Variants in CUX2 observed in about 807,000 individuals in gnomAD.
The protein encoded by CUX2 is cut like homeobox 2.
Under a neutral mutation model 144.8 loss-of-function variants are expected in CUX2, and 40 were observed. That is an observed-to-expected ratio of 0.28 (90% CI 0.21 to 0.36). The LOEUF is 0.36. Among genes scored for constraint, CUX2 ranks in the 10% least tolerant of loss-of-function variants. The pLI is 1.00. For synonymous variants in CUX2, 827 were observed against 875.6 expected, an observed-to-expected ratio of 0.94 and a Z score of 0.98; for missense variants, 1,615 against 1,994.0, an observed-to-expected ratio of 0.81 and a Z score of 3.62.
Position 111,287,488 on chromosome 12 carries a change from A to G in CUX2, c.302-3930A>G, listed in dbSNP as rs1158850033. Among the ~76,000 whole-genome samples, 1 of 152,268 alleles carries G rather than the reference A, an allele frequency of 6.6e-6. No individual in the cohort carries two copies. Among genetic ancestry groups the G allele is most frequent in the African/African-American group, 2.4e-5 (1 of 41,474 alleles). On this transcript the variant is annotated intron_variant, in intron 4 of 21. Coordinates refer to ENST00000261726, the MANE Select transcript of CUX2 (RefSeq NM_015267.4). This position sits in a 1 kb window ranked among gnomAD's most constrained non-coding sequence, Gnocchi z 4.2. Reference sequence around the variant, plus strand: ...CTTATTAAAAAATCCAGACTTGTAAATTAATTTGTTCGTGTTGTACAAAGG... The same window carrying G: ...CTTATTAAAAAATCCAGACTTGTAAGTTAATTTGTTCGTGTTGTACAAAGG...
At chr12:111,273,203 G>T (rs1340169825) in intron 4 of CUX2, among the ~76,000 whole-genome samples, 1 of 152,182 alleles carries the variant, frequency 6.6e-6, no homozygotes, top group East Asian at 1.9e-4. Flanking sequence ...TTTGGACCTG[G>T]TTTTAAAGGT....
At chr12:111,331,608 T>C (rs1466682270) in intron 18 of CUX2, among the ~76,000 whole-genome samples, 2 of 151,942 alleles carry the variant, frequency 1.3e-5, no homozygotes, top group Non-Finnish European at 2.9e-5. Context: ...TGCCCCACGT[T>C]ATCTCATGGA....
intron 3 of CUX2, among the ~76,000 whole-genome samples, chr12:111,259,980 G>A (rs1225876862): frequency 6.6e-6 from 1 of 150,810 alleles, no homozygotes; most frequent in Non-Finnish European, 1.5e-5. Context: ...TGGGCAACAT[G>A]GTAAAACCCT....
intron 1 of CUX2, among the ~76,000 whole-genome samples, chr12:111,086,580 A>T (rs978012542): frequency 6.6e-6 from 1 of 152,114 alleles, no homozygotes; most frequent in Non-Finnish European, 1.5e-5. Flanking sequence ...AGACAGGGAG[A>T]GGAAGAAGGC....
intron 1 of CUX2, among the ~76,000 whole-genome samples, chr12:111,102,078 C>T (rs1873284208): frequency 6.6e-6 from 1 of 152,234 alleles, no homozygotes; most frequent in South Asian, 2.1e-4. Flanking sequence ...GTGTAACCCA[C>T]TCTTTCTGTA....
chr12:111,221,292 T>C (rs10774615), intron 3 of CUX2, among the ~76,000 whole-genome samples: 60,012 of 152,128 alleles, frequency 0.39, 15,935 homozygotes, highest in African/African-American at 0.74. Flanking sequence ...GTCCTCCTTG[T>C]GCCTCAGGGG....
intron 1 of CUX2, among the ~76,000 whole-genome samples, chr12:111,187,737 G>A (rs182418985): frequency 1.3e-5 from 2 of 152,186 alleles, no homozygotes; most frequent in African/African-American, 4.8e-5. Context: ...TGGGGTTTCT[G>A]TGGCCCCCTG....
At position 111,132,557 on chromosome 12, in the gene CUX2, C is replaced by CTTTTTT. The variant is rs1182564665; in HGVS notation, c.64-81621_64-81616dup. Among the ~76,000 whole-genome samples the CTTTTTT allele has an allele frequency of 2.0e-4, 19 of 97,158 alleles. 1 individual carries two copies. The highest frequency in any genetic ancestry group is 4.6e-3 in the Middle Eastern group (1 of 218). 63.7% of individuals were successfully genotyped at this position (97,158 alleles called of 152,430 possible). On this transcript the variant is annotated intron_variant, in intron 1 of 21. Transcript: ENST00000261726. ...TTTCTGAATTTTTATGCTCTGTTTC[C>CTTTTTT]TTTTTTTTTTTTTTTTTTTTTTTTT...
At chr12:111,092,323 G>A (rs975112642) in intron 1 of CUX2, among the ~76,000 whole-genome samples, 9 of 152,034 alleles carry the variant, frequency 5.9e-5, no homozygotes. Context: ...CTGCAAACAG[G>A]GGGCTGTGTG....
intron 1 of CUX2, among the ~76,000 whole-genome samples, chr12:111,179,105 A>T (rs149118089): frequency 6.6e-6 from 1 of 152,106 alleles, no homozygotes; most frequent in East Asian, 1.9e-4. Context: ...CAATAGTGGG[A>T]GCCCTAGAGG....
chr12:111,086,659 A>T (rs1367851436), intron 1 of CUX2, among the ~76,000 whole-genome samples: 1 of 152,204 alleles, frequency 6.6e-6, no homozygotes, highest in Non-Finnish European at 1.5e-5. Flanking sequence ...CTTCCCAGCC[A>T]TATGCCCTTT....
chr12:111,117,607 A>C (rs1874384029), intron 1 of CUX2, among the ~76,000 whole-genome samples: 1 of 152,060 alleles, frequency 6.6e-6, no homozygotes, highest in Non-Finnish European at 1.5e-5. Context: ...AACAACAAGG[A>C]GTTCCTCTGA....
At chr12:111,256,328 C>T (rs1245856481) in intron 3 of CUX2, among the ~76,000 whole-genome samples, 1 of 152,188 alleles carries the variant, frequency 6.6e-6, no homozygotes, top group Admixed American at 6.5e-5. Flanking sequence ...AGGGACACCC[C>T]TTCCCCTCTG....
At chr12:111,309,929 C>G in intron 14 of CUX2, 112 bp from the exon 15 acceptor site, 5 of 969,184 alleles carry the variant, frequency 5.2e-6, no homozygotes, top group Admixed American at 4.1e-5. Flanking sequence ...CTCTCTTTCT[C>G]GTTGTCTCTC....
chr12:111,232,838 G>A (rs1005044897), intron 3 of CUX2, among the ~76,000 whole-genome samples: 5 of 152,194 alleles, frequency 3.3e-5, no homozygotes, highest in African/African-American at 1.2e-4. Context: ...CCTACTGCCA[G>A]GCACTGCTAT....
At chr12:111,270,820 T>TG (rs996297160) in intron 4 of CUX2, among the ~76,000 whole-genome samples, 7 of 151,960 alleles carry the variant, frequency 4.6e-5, no homozygotes, top group Admixed American at 6.6e-5. Flanking sequence ...CTCCTTCTCT[T>TG]GGGGGGGAGG....
At chr12:111,225,699 G>C (rs1055043158) in intron 3 of CUX2, among the ~76,000 whole-genome samples, 4 of 152,188 alleles carry the variant, frequency 2.6e-5, no homozygotes, top group Non-Finnish European at 5.9e-5. Flanking sequence ...TCTGCAGGTG[G>C]TTAGGGCCAG....
At position 111,342,042 on chromosome 12, in the gene CUX2, C is replaced by A; in HGVS notation, c.3648C>A (p.Phe1216Leu). The A allele has an allele frequency of 6.2e-7, 1 of 1,612,954 alleles. No individual in the cohort carries two copies. Residue 1216 changes from phenylalanine (F) to leucine (L), a missense_variant, in exon 21 of 22, where the codon TTC (phenylalanine) becomes TTA (leucine). Physicochemically the swap from Phe to Leu is conservative, Grantham distance 22. Transcript: ENST00000261726. ...NLKTNTVINW[F>L]HNYRSRMRRE... ...AGACCAACACCGTCATCAACTGGTT[C>A]CACAACTACAGGTGGGACTATGGGG...
chr12:111,104,834 A>G (rs968306131), intron 1 of CUX2, among the ~76,000 whole-genome samples: 1 of 152,142 alleles, frequency 6.6e-6, no homozygotes, highest in African/African-American at 2.4e-5. Context: ...CCACCTGGTG[A>G]CCTTGACGCC....
Sources: allele counts gnomAD v4.1 joint callset (sites outside exome capture counted in the v4.1 genomes callset), GRCh38; gene constraint gnomAD v4.1.1; non-coding constraint Gnocchi (gnomAD v3.1); transcripts MANE v1.5; gene names NCBI Gene and HGNC (gene_info 2026-07-23, HGNC 2026-07-21).